Variants in SRGAP1 observed in about 807,000 individuals in gnomAD.
The protein encoded by SRGAP1 is SLIT-ROBO Rho GTPase activating protein 1, also known as SLIT-ROBO Rho GTPase-activating protein 1.
SRGAP1 carries 43 observed loss-of-function variants against 121.9 expected under a neutral mutation model. The observed-to-expected ratio is 0.35, with a 90% CI of 0.28 to 0.46. SRGAP1 has a LOEUF of 0.46. Ranked by LOEUF, SRGAP1 falls within the 20% of genes least tolerant of loss-of-function variation. The pLI, the probability that SRGAP1 is intolerant of heterozygous loss-of-function variation, is 1.00. For missense variants in SRGAP1, 1,102 were observed against 1,350.9 expected (o/e 0.82, Z 2.89); for synonymous variants, 447 against 485.4 (o/e 0.92, Z 1.04).
chr12:64,013,533 A>G (rs2034312807), intron 3 of SRGAP1, among the ~76,000 whole-genome samples: 1 of 152,234 alleles, frequency 6.6e-6, no homozygotes, highest in Non-Finnish European at 1.5e-5. Flanking sequence ...ACAAACAGGC[A>G]GAAACTTTGG....
Position 64,111,963 on chromosome 12 carries a change from A to G in SRGAP1, c.2121A>G (p.Lys707=). The change falls in exon 17 of 22, where the codon AAA becomes AAG. Residue 707 remains lysine (K), a synonymous_variant. Coordinates refer to ENST00000355086, the MANE Select transcript of SRGAP1 (RefSeq NM_020762.4). ...AKELDGPVYE[K]CMAGDDYCDS... ...AGCTGGATGGCCCTGTTTATGAGAA[A>G]TGTATGGCTGGAGATGACTATTGGT... The G allele has an allele frequency of 6.2e-7, 1 of 1,613,946 alleles. No homozygotes were observed. The highest frequency in any genetic ancestry group is 1.1e-5 in the South Asian group (1 of 91,050).
At chr12:64,057,923 T>A (rs2035373757) in intron 6 of SRGAP1, among the ~76,000 whole-genome samples, 1 of 152,224 alleles carries the variant, frequency 6.6e-6, no homozygotes, top group Non-Finnish European at 1.5e-5. Context: ...CTGTGGCTGC[T>A]ACTGTTCTTG....
At chr12:64,141,287 A>AAGAAAAG (rs1555177612) in intron 21 of SRGAP1, among the ~76,000 whole-genome samples, 2 of 144,678 alleles carry the variant, frequency 1.4e-5, no homozygotes, top group Non-Finnish European at 3.0e-5. Flanking sequence ...AAAAAAAAAA[A>AAGAAAAG]AAAGAAAAAC....
chr12:63,961,845 C>G (rs2032652056), intron 1 of SRGAP1, among the ~76,000 whole-genome samples: 1 of 152,058 alleles, frequency 6.6e-6, no homozygotes, highest in South Asian at 2.1e-4. Context: ...GAAAAATAAC[C>G]ATAGTAATGG....
intron 8 of SRGAP1, among the ~76,000 whole-genome samples, chr12:64,074,090 T>C (rs2035691478): frequency 6.6e-6 from 1 of 152,224 alleles, no homozygotes; most frequent in Admixed American, 6.5e-5. Flanking sequence ...CTGTAGTTCT[T>C]TCCAGCAGTT....
chr12:63,960,479 C>CT (rs1362040941), intron 1 of SRGAP1, among the ~76,000 whole-genome samples: 3 of 152,070 alleles, frequency 2.0e-5, no homozygotes, highest in African/African-American at 2.4e-5. Context: ...CCAGAGTGAT[C>CT]TTTTTTATGC....
chr12:64,023,229 G>T (rs1234434737), intron 4 of SRGAP1, among the ~76,000 whole-genome samples: 2 of 119,906 alleles, frequency 1.7e-5, no homozygotes, highest in Non-Finnish European at 3.5e-5. Flanking sequence ...AAAAAAAAAG[G>T]AAGGTAACTT....
intron 1 of SRGAP1, among the ~76,000 whole-genome samples, chr12:63,980,863 G>T (rs892020708): frequency 1.3e-5 from 2 of 151,984 alleles, no homozygotes; most frequent in African/African-American, 4.8e-5. Context: ...CAAAATGCTG[G>T]GATTACAGGC....
chr12:63,976,619 C>T (rs928222236), intron 1 of SRGAP1, among the ~76,000 whole-genome samples: 1 of 152,116 alleles, frequency 6.6e-6, no homozygotes, highest in Non-Finnish European at 1.5e-5. Flanking sequence ...AATGAAAGCT[C>T]GCTGGTGCTA....
intron 1 of SRGAP1, among the ~76,000 whole-genome samples, chr12:63,927,840 C>T (rs1219340875): frequency 1.3e-5 from 2 of 151,978 alleles, no homozygotes; most frequent in African/African-American, 4.8e-5. Flanking sequence ...CCCTTGAGAA[C>T]AGCTAGGTTA....
At chr12:63,910,973 A>G (rs191286172) in intron 1 of SRGAP1, among the ~76,000 whole-genome samples, 95 of 152,244 alleles carry the variant, frequency 6.2e-4, no homozygotes, top group African/African-American at 2.2e-3. Flanking sequence ...GAAACAATAC[A>G]CTTGACAACA....
chr12:63,963,197 A>G (rs2032693833), intron 1 of SRGAP1, among the ~76,000 whole-genome samples: 1 of 152,208 alleles, frequency 6.6e-6, no homozygotes, highest in African/African-American at 2.4e-5. Flanking sequence ...AGAAGAATCA[A>G]TAGACAGTGC....
At chr12:64,088,415 G>A (rs959100858) in intron 11 of SRGAP1, among the ~76,000 whole-genome samples, 2 of 152,156 alleles carry the variant, frequency 1.3e-5, no homozygotes, top group African/African-American at 4.8e-5. Flanking sequence ...TTAAAAAGCA[G>A]AAATGGAAAT....
intron 4 of SRGAP1, among the ~76,000 whole-genome samples, chr12:64,030,918 A>T (rs146501545): frequency 6.6e-6 from 1 of 152,372 alleles, no homozygotes; most frequent in East Asian, 1.9e-4. Context: ...GAGGAATCTT[A>T]TATCCCTGGC....
chr12:63,999,545 AT>A, intron 3 of SRGAP1, among the ~76,000 whole-genome samples: 1 of 152,158 alleles, frequency 6.6e-6, no homozygotes, highest in South Asian at 2.1e-4. Context: ...TGGGTAATTG[AT>A]TGGCTGGGTG....
chr12:63,972,760 G>A (rs2032993020), intron 1 of SRGAP1, among the ~76,000 whole-genome samples: 1 of 152,128 alleles, frequency 6.6e-6, no homozygotes, highest in South Asian at 2.1e-4. Context: ...TTCCTAGAAA[G>A]TCATGACATT....
Position 64,144,694 on chromosome 12 carries a change from A to G in SRGAP1, c.*2022A>G, listed in dbSNP as rs1465924304. Reference sequence around the variant, plus strand: ...ACAGCACCTTGTCTAGCCCCTCCCCATTTCTCCTGAGCTTTTGGGGTCCTT... The same window carrying G: ...ACAGCACCTTGTCTAGCCCCTCCCCGTTTCTCCTGAGCTTTTGGGGTCCTT... On this transcript the variant is annotated 3_prime_UTR_variant, in exon 22 of 22. Coordinates refer to ENST00000355086, the MANE Select transcript of SRGAP1 (RefSeq NM_020762.4). 1 of 151,740 alleles carries G rather than the reference A, an allele frequency of 6.6e-6. No individual in the cohort carries two copies. Among genetic ancestry groups the G allele is most frequent in the African/African-American group, 2.4e-5 (1 of 41,220 alleles). 9.4% of individuals were successfully genotyped at this position (151,740 alleles called of 1,614,324 possible).
chr12:63,880,120 C>G (rs1288016548), intron 1 of SRGAP1, among the ~76,000 whole-genome samples: 1 of 152,096 alleles, frequency 6.6e-6, no homozygotes, highest in Non-Finnish European at 1.5e-5. Flanking sequence ...AGGGCAGTTC[C>G]CCTGCACACA....
intron 1 of SRGAP1, among the ~76,000 whole-genome samples, chr12:63,904,950 A>C (rs2030129854): frequency 6.6e-6 from 1 of 152,104 alleles, no homozygotes; most frequent in African/African-American, 2.4e-5. Flanking sequence ...CAAAACAAAA[A>C]TACAGAGAAA....
Sources: gnomAD v4.1 joint callset for allele counts (sites outside exome capture counted in the v4.1 genomes callset) on GRCh38, gnomAD v4.1.1 for gene constraint, MANE v1.5 for transcripts, NCBI Gene and HGNC (gene_info 2026-07-23, HGNC 2026-07-21) for gene names.